Variants in SSBP3 observed in about 807,000 individuals in gnomAD.
The protein encoded by SSBP3 is single stranded DNA binding protein 3.
Under a neutral mutation model 69.6 loss-of-function variants are expected in SSBP3, and 5 were observed. The observed-to-expected ratio is 0.07, with a 90% CI of 0.04 to 0.15. The LOEUF is 0.15. Ranked by LOEUF, SSBP3 falls within the 10% of genes least tolerant of loss-of-function variation. The pLI, the probability that SSBP3 is intolerant of heterozygous loss-of-function variation, is 1.00. For missense variants in SSBP3, 312 were observed against 534.0 expected, an observed-to-expected ratio of 0.58 and a Z score of 4.10; for synonymous variants, 196 against 193.4, an observed-to-expected ratio of 1.01 and a Z score of -0.11.
chr1:54,255,230 C>T (rs550451405), intron 7 of SSBP3, among the ~76,000 whole-genome samples: 3 of 151,694 alleles, frequency 2.0e-5, no homozygotes, highest in Non-Finnish European at 4.4e-5. Context: ...ATGGATTTAT[C>T]CCCCATTTGC....
At chr1:54,356,527 G>A (rs567531931) in intron 4 of SSBP3, 9 of 152,360 alleles carry the variant, frequency 5.9e-5, no homozygotes, top group East Asian at 1.9e-4. Flanking sequence ...ACAGAACAGC[G>A]CGGGCCCTTC....
intron 4 of SSBP3, among the ~76,000 whole-genome samples, chr1:54,290,886 A>G (rs1645593343): frequency 6.6e-6 from 1 of 152,232 alleles, no homozygotes; most frequent in African/African-American, 2.4e-5. Context: ...CTTCTTAAAG[A>G]GAAATGAGCT....
intron 4 of SSBP3, among the ~76,000 whole-genome samples, chr1:54,283,828 G>C (rs561568993): frequency 6.6e-6 from 1 of 152,266 alleles, no homozygotes; most frequent in East Asian, 1.9e-4. Context: ...GCCCCTGCCC[G>C]GCACTATCTG....
At chr1:54,239,611 G>T (rs1419786785) in intron 13 of SSBP3, among the ~76,000 whole-genome samples, 1 of 152,228 alleles carries the variant, frequency 6.6e-6, no homozygotes, top group Non-Finnish European at 1.5e-5. Flanking sequence ...AAATTACCCA[G>T]AGGCCACCCT....
At chr1:54,413,352 T>G (rs879327547) in intron 1 of SSBP3, 2 of 152,216 alleles carry the variant, frequency 1.3e-5, no homozygotes, top group Non-Finnish European at 2.9e-5. Flanking sequence ...TATTTCTCAC[T>G]CACAGGTCTG....
chr1:54,352,062 G>A (rs889314981), intron 4 of SSBP3, among the ~76,000 whole-genome samples: 2 of 152,148 alleles, frequency 1.3e-5, no homozygotes, highest in Non-Finnish European at 2.9e-5. Context: ...TTGGGAGGTC[G>A]AGGCAGGAGG....
At chr1:54,405,657 C>A (rs1402083769) in intron 1 of SSBP3, among the ~76,000 whole-genome samples, 2 of 152,038 alleles carry the variant, frequency 1.3e-5, no homozygotes, top group African/African-American at 4.8e-5. Flanking sequence ...GGACCTCGCC[C>A]ACCACTCACC....
At chr1:54,405,351 G>T (rs12749382) in intron 1 of SSBP3, 87,151 of 192,320 alleles carry the variant, frequency 0.45, 22,008 homozygotes, top group Admixed American at 0.57. Context: ...GCAGCAAAGC[G>T]CCACCCTCGT....
chr1:54,279,097 C>T (rs939948382), intron 5 of SSBP3, among the ~76,000 whole-genome samples: 5 of 152,088 alleles, frequency 3.3e-5, no homozygotes, highest in Non-Finnish European at 5.9e-5. Flanking sequence ...GAAATGATGC[C>T]GGGAAGTGAG....
chr1:54,342,837 T>A (rs1646632116), intron 4 of SSBP3, among the ~76,000 whole-genome samples: 1 of 152,194 alleles, frequency 6.6e-6, no homozygotes, highest in Non-Finnish European at 1.5e-5. Flanking sequence ...CCCAGCCCTC[T>A]GGATCCACTC....
At position 54,231,797 on chromosome 1, in the gene SSBP3, C is replaced by G. The variant is rs1052835738; in HGVS notation, c.928-2971G>C. On this transcript the variant is annotated intron_variant, in intron 14 of 17. Coordinates refer to ENST00000610401, the Ensembl canonical transcript of SSBP3. ...GCAACCTCCGCCTCCTGGGTTCAAGCGATTCTCATGCGTCAGCCTCCCAGG... is the reference window on the plus strand; with the variant it reads ...GCAACCTCCGCCTCCTGGGTTCAAGGGATTCTCATGCGTCAGCCTCCCAGG... 9.2e-5 allele frequency among the ~76,000 whole-genome samples: 14 copies of G among 152,256 alleles called. No individual in the cohort carries two copies. The East Asian group carries it at 2.7e-3, about 29-fold the overall frequency.
At chr1:54,335,509 G>C (rs1468470261) in intron 4 of SSBP3, among the ~76,000 whole-genome samples, 1 of 152,212 alleles carries the variant, frequency 6.6e-6, no homozygotes, top group African/African-American at 2.4e-5. Context: ...GGCTGGCAGA[G>C]ACAGCAGGAG....
chr1:54,318,917 G>C (rs528605170), intron 4 of SSBP3, among the ~76,000 whole-genome samples: 2 of 152,184 alleles, frequency 1.3e-5, no homozygotes, highest in African/African-American at 2.4e-5. Context: ...ACCTTTCCCT[G>C]CTATGATTTC....
At chr1:54,266,770 G>A (rs1645109676) in intron 5 of SSBP3, among the ~76,000 whole-genome samples, 1 of 151,714 alleles carries the variant, frequency 6.6e-6, no homozygotes, top group Non-Finnish European at 1.5e-5. Flanking sequence ...AACAGAATGA[G>A]CACTGGCCAG....
chr1:54,379,116 G>A (rs902465184), intron 4 of SSBP3, among the ~76,000 whole-genome samples: 6 of 152,224 alleles, frequency 3.9e-5, no homozygotes, highest in African/African-American at 1.4e-4. Context: ...CCTGAAGAGA[G>A]ACAAAGAATT....
chr1:54,293,907 C>T (rs1185616199), intron 4 of SSBP3, among the ~76,000 whole-genome samples: 2 of 151,898 alleles, frequency 1.3e-5, no homozygotes, highest in Admixed American at 6.6e-5. Context: ...GAGGCTGAGG[C>T]GGGTGGATTA....
At chr1:54,412,142 C>T (rs1481099903) in intron 1 of SSBP3, among the ~76,000 whole-genome samples, 1 of 152,004 alleles carries the variant, frequency 6.6e-6, no homozygotes, top group Non-Finnish European at 1.5e-5. Flanking sequence ...ATCACCAGAG[C>T]CCCTCCCAAA....
intron 4 of SSBP3, among the ~76,000 whole-genome samples, chr1:54,303,747 C>T (rs539972783): frequency 2.2e-4 from 33 of 152,204 alleles, no homozygotes; most frequent in East Asian, 1.7e-3. Context: ...GCATAAAATA[C>T]GTACCAGACT....
chr1:54,241,344 G>C (rs911726205), intron 12 of SSBP3, 130 bp downstream of exon 12: 2 of 1,068,096 alleles, frequency 1.9e-6, no homozygotes, highest in Non-Finnish European at 2.9e-6. Context: ...TTGACAGCAA[G>C]TTCTAGCAGT....
Sources: allele counts gnomAD v4.1 joint callset (sites outside exome capture counted in the v4.1 genomes callset), GRCh38; gene constraint gnomAD v4.1.1; transcripts MANE v1.5; gene names NCBI Gene and HGNC (gene_info 2026-07-23, HGNC 2026-07-21).